PIK3R5: variants seen among roughly 807,000 people sequenced by gnomAD.
The protein encoded by PIK3R5 is phosphoinositide 3-kinase regulatory subunit 5.
In PIK3R5, 32 loss-of-function variants were observed where a neutral mutation model predicts 94.9. That is an observed-to-expected ratio of 0.34 (90% CI 0.25 to 0.45). The LOEUF (loss-of-function observed/expected upper bound fraction) is 0.45. Ranked by LOEUF, PIK3R5 falls within the 20% of genes least tolerant of loss-of-function variation. The pLI, the probability that PIK3R5 is intolerant of heterozygous loss-of-function variation, is 1.00. For synonymous variants in PIK3R5, 443 were observed against 479.4 expected (o/e 0.92, Z 0.99); for missense variants, 853 against 1,144.6 (o/e 0.75, Z 3.68).
chr17:8,888,764 G>C lies in PIK3R5; in HGVS notation c.1023C>G (p.Ala341=), dbSNP rs758830427. 7 of 1,613,234 alleles carry C rather than the reference G, an allele frequency of 4.3e-6. No individual in the cohort carries two copies. Among genetic ancestry groups the C allele is most frequent in the Non-Finnish European group, 4.2e-6 (5 of 1,179,974 alleles). Residue 341 remains alanine (A), a synonymous_variant, in exon 10 of 19, where the codon GCC becomes GCG. Transcript: ENST00000447110. This position sits in a 1 kb window ranked among gnomAD's most constrained non-coding sequence, Gnocchi z 7.8. ...TGGTGGAGAGCAGGGAATCTCTCTCGGCACAGTGCCCGTCAGTTTCCAAGT... is the reference window on the plus strand; with the variant it reads ...TGGTGGAGAGCAGGGAATCTCTCTCCGCACAGTGCCCGTCAGTTTCCAAGT... ...EEDLETDGHC[A]ERDSLLSTSS... is the part of the protein sequence containing the mutation.
At chr17:8,901,156 T>C (rs1046695968) in intron 5 of PIK3R5, among the ~76,000 whole-genome samples, 2 of 152,200 alleles carry the variant, frequency 1.3e-5, no homozygotes, top group Admixed American at 6.5e-5. Context: ...TGAAGGAGTT[T>C]GACCTTAAAC....
At chr17:8,932,513 G>A (rs939364261) in intron 1 of PIK3R5, among the ~76,000 whole-genome samples, 3 of 152,128 alleles carry the variant, frequency 2.0e-5, no homozygotes, top group Non-Finnish European at 4.4e-5. Flanking sequence ...GGGATTACAG[G>A]TGTGAGCCAC....
Position 8,904,672 on chromosome 17 carries a change from CA to C in PIK3R5, c.412+104del. The C allele has an allele frequency of 1.8e-6, 2 of 1,140,138 alleles. No homozygotes were observed. The highest frequency in any genetic ancestry group is 1.4e-5 in the South Asian group (1 of 70,274). 70.6% of individuals were successfully genotyped at this position (1,140,138 alleles called of 1,614,324 possible). On this transcript the variant is annotated intron_variant, in intron 5 of 18. Coordinates refer to ENST00000447110, the MANE Select transcript of PIK3R5 (RefSeq NM_001142633.3). The surrounding 1 kb of genome is among the most constrained non-coding windows in gnomAD (Gnocchi z 5.1). ...AACCAAGGCGTTGGCAGAGATGAAT[CA>C]AAGGATGCAAGGTAAGGAGGGTCAC...
intron 1 of PIK3R5, among the ~76,000 whole-genome samples, chr17:8,953,690 C>T (rs2091418902): frequency 6.6e-6 from 1 of 152,184 alleles, no homozygotes; most frequent in Admixed American, 6.5e-5. Flanking sequence ...GGTTACCCAC[C>T]CACTGAAGAG....
chr17:8,900,684 C>T (rs1007175202), intron 5 of PIK3R5, among the ~76,000 whole-genome samples: 2 of 152,242 alleles, frequency 1.3e-5, no homozygotes, highest in Non-Finnish European at 2.9e-5. Context: ...GCTCCAGCTG[C>T]TGCCCTGCCT....
intron 6 of PIK3R5, among the ~76,000 whole-genome samples, chr17:8,891,547 G>A (rs1379285803): frequency 6.6e-6 from 1 of 151,948 alleles, no homozygotes; most frequent in Non-Finnish European, 1.5e-5. Flanking sequence ...TGGATACCCA[G>A]ATTCCCTCTT....
chr17:8,928,324 G>C (rs1410471828), intron 1 of PIK3R5, among the ~76,000 whole-genome samples: 1 of 152,062 alleles, frequency 6.6e-6, no homozygotes, highest in Non-Finnish European at 1.5e-5. Flanking sequence ...AAGAAGGCAG[G>C]GCTGAAAAAG....
intron 12 of PIK3R5, 94 bp downstream of exon 12, chr17:8,887,002 G>T (rs182197942): frequency 7.0e-7 from 1 of 1,428,454 alleles, no homozygotes; most frequent in Non-Finnish European, 9.6e-7. Context: ...CTCCATGGGG[G>T]CCTCAAGCCT....
intron 1 of PIK3R5, among the ~76,000 whole-genome samples, chr17:8,951,370 A>C (rs1041774671): frequency 6.6e-6 from 1 of 152,076 alleles, no homozygotes; most frequent in Non-Finnish European, 1.5e-5. Context: ...CGTCTTCCTA[A>C]ACTGAAACTC....
In PIK3R5 at chr17:8,964,264, G is replaced by A. The variant is rs569861496; in HGVS notation, c.-14+1332C>T. 4.9e-4 allele frequency among the ~76,000 whole-genome samples: 75 copies of A among 152,144 alleles called. 1 individual carries two copies. Among genetic ancestry groups the A allele is most frequent in the Non-Finnish European group, 8.7e-4 (59 of 68,000 alleles). On this transcript the variant is annotated intron_variant, in intron 1 of 18. Transcript: ENST00000447110. ...AAAATTAGCTGGGCGCCGTGGTGCTGACCTGTAATCCCAGCTACTTGGGAG... is the reference window on the plus strand; with the variant it reads ...AAAATTAGCTGGGCGCCGTGGTGCTAACCTGTAATCCCAGCTACTTGGGAG...
intron 1 of PIK3R5, among the ~76,000 whole-genome samples, chr17:8,949,514 AAGAGAC>A (rs955530914): frequency 3.9e-5 from 6 of 152,210 alleles, no homozygotes; most frequent in Non-Finnish European, 8.8e-5. Flanking sequence ...AAAGATGTAT[AAGAGAC>A]AGAGACAGAG....
chr17:8,880,966 T>C lies in PIK3R5; in HGVS notation c.2434A>G (p.Ser812Gly), dbSNP rs756979584. Reference protein sequence around the residue: ...VDKVQIIGSNSCPFAVCLDQD... With the variant: ...VDKVQIIGSNGCPFAVCLDQD... ...TCCAGGCACACAGCAAAGGGGCAGC[T>C]GTTGGAGCCGATGATCTGCACCTTG... The change falls in exon 18 of 19, where the codon AGC becomes GGC. Residue 812 changes from serine to glycine, a missense_variant. Physicochemically the swap from Ser to Gly is moderately conservative, Grantham distance 56. Coordinates refer to ENST00000447110, the MANE Select transcript of PIK3R5 (RefSeq NM_001142633.3). 3.7e-6 allele frequency: 6 copies of C among 1,614,042 alleles called. No homozygotes were observed. The highest frequency in any genetic ancestry group is 2.7e-5 in the African/African-American group (2 of 74,918).
intron 1 of PIK3R5, among the ~76,000 whole-genome samples, chr17:8,929,855 G>A (rs973176625): frequency 1.3e-5 from 2 of 151,870 alleles, no homozygotes; most frequent in South Asian, 4.2e-4. Flanking sequence ...CCAACTACTG[G>A]GTACAATGTA....
chr17:8,937,825 G>T (rs183844469), intron 1 of PIK3R5, among the ~76,000 whole-genome samples: 131 of 151,734 alleles, frequency 8.6e-4, no homozygotes, highest in Middle Eastern at 3.4e-3. Flanking sequence ...TTTCTTTTGT[G>T]TGTGTGTGTG....
In PIK3R5 at chr17:8,958,217, T is replaced by C. The variant is rs1356701631; in HGVS notation, c.-14+7379A>G. ...TCCCAGGTACTCAGGGGCTGAGGCA[T>C]GAGAATTGTTTGAACCTGGCAGGTG... On this transcript the variant is annotated intron_variant, in intron 1 of 18. Coordinates refer to ENST00000447110, the MANE Select transcript of PIK3R5 (RefSeq NM_001142633.3). 3.3e-5 allele frequency among the ~76,000 whole-genome samples: 5 copies of C among 150,036 alleles called. No individual in the cohort carries two copies. In the East Asian group the frequency reaches 7.9e-4, roughly 24 times the overall value.
rs761438616 is a variant in PIK3R5 at position 8,888,691 on chromosome 17, C to T, written c.1096G>A (p.Ala366Thr). 6.2e-7 allele frequency: 1 copy of T among 1,613,918 alleles called. No individual in the cohort carries two copies. The highest frequency in any genetic ancestry group is 8.5e-7 in the Non-Finnish European group (1 of 1,180,026). Residue 366 changes from alanine (A) to threonine (T), a missense_variant, in exon 10 of 19, where the codon GCC (alanine) becomes ACC (threonine). By Grantham distance (58) the Ala-to-Thr change is moderately conservative. This residue lies in a region of PIK3R5 where 319 missense variants were observed against 339.8 expected (regional missense o/e 0.94). Transcript: ENST00000447110. This position sits in a 1 kb window ranked among gnomAD's most constrained non-coding sequence, Gnocchi z 7.8. ...DSTLSLASSQ[A>T]SGPALSRHLL... ...TGGCGCGAGAGGGCCGGCCCCGAGG[C>T]CTGGGAGGATGCAAGGGACAAGGTG...
chr17:8,881,019 T>G lies in PIK3R5; in HGVS notation c.2383-2A>C. 6.2e-7 allele frequency: 1 copy of G among 1,611,824 alleles called. No individual in the cohort carries two copies. Among genetic ancestry groups the G allele is most frequent in the Non-Finnish European group, 8.5e-7 (1 of 1,177,886 alleles). On this transcript the variant is annotated splice_acceptor_variant, in intron 17 of 18. Coordinates refer to ENST00000447110, the MANE Select transcript of PIK3R5 (RefSeq NM_001142633.3). LOFTEE classifies it high-confidence loss of function. This position sits in a 1 kb window ranked among gnomAD's most constrained non-coding sequence, Gnocchi z 4.8. ...CACTTTGATCTGCGATGTGCTAATCTGGAAGGAAGGCCCAGGTCAGCCCCA... is the reference window on the plus strand; with the variant it reads ...CACTTTGATCTGCGATGTGCTAATCGGGAAGGAAGGCCCAGGTCAGCCCCA...
Position 8,890,243 on chromosome 17 carries a change from A to C in PIK3R5, c.658-117T>G. 9.5e-7 allele frequency: 1 copy of C among 1,049,774 alleles called. No homozygotes were observed. 65.0% of individuals were successfully genotyped at this position (1,049,774 alleles called of 1,614,324 possible). The stretch of plus-strand genomic sequence containing the variant: ...TGATCTGTCCCCTCCCAGCCTCATC[A>C]CCCATCTCCTACCCACAGCTGGCCA... On this transcript the variant is annotated intron_variant, in intron 7 of 18. Transcript: ENST00000447110. This position sits in a 1 kb window ranked among gnomAD's most constrained non-coding sequence, Gnocchi z 6.1.
chr17:8,942,111 C>A (rs1006130940), intron 1 of PIK3R5, among the ~76,000 whole-genome samples: 4 of 152,098 alleles, frequency 2.6e-5, no homozygotes, highest in African/African-American at 7.2e-5. Context: ...ATCTCCCATC[C>A]CATCTCCAGC....
Sources: allele counts gnomAD v4.1 joint callset (sites outside exome capture counted in the v4.1 genomes callset), GRCh38; gene constraint gnomAD v4.1.1; regional missense constraint gnomAD v4.1.1; non-coding constraint Gnocchi (gnomAD v3.1); transcripts MANE v1.5; gene names NCBI Gene and HGNC (gene_info 2026-07-23, HGNC 2026-07-21).